Variants in CETN3 observed in about 807,000 individuals in gnomAD.
CETN3 encodes the protein centrin-3.
Under a neutral mutation model 20.1 loss-of-function variants are expected in CETN3, and 17 were observed. That is an observed-to-expected ratio of 0.85 (90% CI 0.58 to 1.27). CETN3 has a LOEUF of 1.27. Among genes scored for constraint, CETN3 ranks in the 50% most tolerant of loss-of-function variants. The pLI is 0.00. For missense variants in CETN3, 169 were observed against 191.2 expected, an observed-to-expected ratio of 0.88 and a Z score of 0.69; for synonymous variants, 52 against 59.7, an observed-to-expected ratio of 0.87 and a Z score of 0.59.
At position 90,392,969 on chromosome 5, in the gene CETN3, A is replaced by G. The variant is rs1247635663; in HGVS notation, c.*1095T>C. On this transcript the variant is annotated 3_prime_UTR_variant, in exon 5 of 5. Transcript: ENST00000283122. The stretch of plus-strand genomic sequence containing the variant: ...ACTTTAAACTTAAAAATTTAAAACA[A>G]GAATTCTAAAGAAAGATTGCTGAAA... 6.6e-6 allele frequency: 1 copy of G among 152,242 alleles called. No homozygotes were observed. Among genetic ancestry groups the G allele is most frequent in the Non-Finnish European group, 1.5e-5 (1 of 68,046 alleles). 9.4% of individuals were successfully genotyped at this position (152,242 alleles called of 1,614,324 possible). A position where few individuals can be genotyped will look rare whatever the true frequency, so the allele number is the denominator to read the frequency against.
chr5:90,398,145 C>T (rs192175552), intron 4 of CETN3, among the ~76,000 whole-genome samples: 1 of 152,146 alleles, frequency 6.6e-6, no homozygotes, highest in East Asian at 1.9e-4. Context: ...TTTAACTTCA[C>T]ATTCACCATG....
In CETN3 at chr5:90,406,073, T is replaced by C. The variant is rs1353945408; in HGVS notation, c.154-274A>G. Among the ~76,000 whole-genome samples the C allele has an allele frequency of 2.6e-5, 4 of 152,126 alleles. No individual in the cohort carries two copies. The East Asian group carries it at 5.8e-4, about 22-fold the overall frequency. On this transcript the variant is annotated intron_variant, in intron 2 of 4. Coordinates refer to ENST00000283122, the MANE Select transcript of CETN3 (RefSeq NM_004365.4). ...TTACTATATAAAATGCACTAACTTA[T>C]TGCACAGATAATTTGATTGTTATTT... is the stretch of plus-strand genomic sequence containing the variant.
chr5:90,403,578 A>C (rs1236241659), intron 3 of CETN3, among the ~76,000 whole-genome samples: 1 of 152,202 alleles, frequency 6.6e-6, no homozygotes, highest in Non-Finnish European at 1.5e-5. Context: ...GCCAATAAAA[A>C]TCACAATTTT....
intron 3 of CETN3, among the ~76,000 whole-genome samples, chr5:90,401,773 T>C (rs928075129): frequency 1.3e-5 from 2 of 152,198 alleles, no homozygotes; most frequent in Non-Finnish European, 2.9e-5. Flanking sequence ...CTAGATTCCA[T>C]ATTTGAAAAG....
chr5:90,398,661 A>G (rs1275565647), intron 4 of CETN3, among the ~76,000 whole-genome samples: 2 of 152,218 alleles, frequency 1.3e-5, no homozygotes, highest in Non-Finnish European at 2.9e-5. Flanking sequence ...AAGTAAAATC[A>G]GTTACTCAAG....
chr5:90,401,541 TAAG>T (rs1749291363), intron 3 of CETN3, among the ~76,000 whole-genome samples: 1 of 152,176 alleles, frequency 6.6e-6, no homozygotes, highest in South Asian at 2.1e-4. Flanking sequence ...AAAAATCACT[TAAG>T]AATACGGCAA....
In CETN3 at chr5:90,397,531, C is replaced by CAGAA. The variant is rs1282188063; in HGVS notation, c.460+1826_460+1827insTTCT. 2.7e-3 allele frequency among the ~76,000 whole-genome samples: 415 copies of CAGAA among 152,160 alleles called. 1 individual carries two copies. Among genetic ancestry groups the CAGAA allele is most frequent in the African/African-American group, 8.4e-3 (350 of 41,548 alleles). ...TTTACAGAACTAAGTAGATTAAGTA[C>CAGAA]CTTAGAGACCATCTGGCTTTGAAGG... On this transcript the variant is annotated intron_variant, in intron 4 of 4. Coordinates refer to ENST00000283122, the MANE Select transcript of CETN3 (RefSeq NM_004365.4).
chr5:90,396,344 C>G (rs1026986610), intron 4 of CETN3: 3 of 1,337,576 alleles, frequency 2.2e-6, no homozygotes, highest in Admixed American at 6.6e-5. Flanking sequence ...AAACTACTTT[C>G]AAGAATCTTA....
rs1395264787 is a variant in CETN3, at chr5:90,392,517, G to A, written c.*1547C>T. 3 of 152,178 alleles carry A rather than the reference G, an allele frequency of 2.0e-5. No individual in the cohort carries two copies. Among genetic ancestry groups the A allele is most frequent in the African/African-American group, 4.8e-5 (2 of 41,450 alleles). 9.4% of individuals were successfully genotyped at this position (152,178 alleles called of 1,614,324 possible). On this transcript the variant is annotated 3_prime_UTR_variant, in exon 5 of 5. Coordinates refer to ENST00000283122, the MANE Select transcript of CETN3 (RefSeq NM_004365.4). ...CCCAGTACTGGAGGTGAGGTCTGGT[G>A]GGAGGTGATTAGATGTCCTCACAAT... is the stretch of plus-strand genomic sequence containing the variant.
intron 2 of CETN3, 97 bp downstream of exon 2, chr5:90,407,602 T>C: frequency 1.1e-6 from 1 of 912,214 alleles, no homozygotes; most frequent in Non-Finnish European, 1.5e-6. Flanking sequence ...CCAAAACCAA[T>C]TTAGTTAAAA....
chr5:90,392,885 C>T lies in CETN3; in HGVS notation c.*1179G>A, dbSNP rs769742903. Reference sequence around the variant, plus strand: ...TTTGTGTTAAATTTCTAGTGGACAACCCTTAATGTAATACTCTTAAAAGGC... The same window carrying T: ...TTTGTGTTAAATTTCTAGTGGACAATCCTTAATGTAATACTCTTAAAAGGC... On this transcript the variant is annotated 3_prime_UTR_variant, in exon 5 of 5. Coordinates refer to ENST00000283122, the MANE Select transcript of CETN3 (RefSeq NM_004365.4). 1 of 152,116 alleles carries T rather than the reference C, an allele frequency of 6.6e-6. No individual in the cohort carries two copies. The highest frequency in any genetic ancestry group is 1.5e-5 in the Non-Finnish European group (1 of 68,016). 9.4% of individuals were successfully genotyped at this position (152,116 alleles called of 1,614,324 possible). A position where few individuals can be genotyped will look rare whatever the true frequency, so the allele number is the denominator to read the frequency against.
intron 2 of CETN3, among the ~76,000 whole-genome samples, chr5:90,406,100 T>A (rs1362801904): frequency 6.6e-6 from 1 of 152,142 alleles, no homozygotes; most frequent in African/African-American, 2.4e-5. Flanking sequence ...TTGTTATTTG[T>A]TCTGAAGGGA....
chr5:90,393,290 C>T lies in CETN3; in HGVS notation c.*774G>A, dbSNP rs758958450. ...TGACATGTAATTGAGTGATAATTAC[C>T]TTAACAAATCAAAATTCCAAAATTT... On this transcript the variant is annotated 3_prime_UTR_variant, in exon 5 of 5. Transcript: ENST00000283122. 17 of 152,062 alleles carry T rather than the reference C, an allele frequency of 1.1e-4. No individual in the cohort carries two copies. The highest frequency in any genetic ancestry group is 6.5e-4 in the Admixed American group (10 of 15,272). The allele number at this position is 152,062 out of a possible 1,614,324, so 9.4% of individuals were successfully genotyped here.
At chr5:90,403,732 G>A (rs1259924735) in intron 3 of CETN3, among the ~76,000 whole-genome samples, 7 of 149,844 alleles carry the variant, frequency 4.7e-5, no homozygotes, top group African/African-American at 1.2e-4. Context: ...TTAGCCGGGC[G>A]TAGTGGCGGG....
intron 3 of CETN3, among the ~76,000 whole-genome samples, chr5:90,403,875 G>A (rs377538740): frequency 4.6e-3 from 399 of 86,724 alleles, no homozygotes; most frequent in Middle Eastern, 0.01. Context: ...TGTCTCAAAA[G>A]AAAAAAAAAA....
chr5:90,408,327 G>A (rs1052547766), intron 1 of CETN3, among the ~76,000 whole-genome samples: 3 of 152,128 alleles, frequency 2.0e-5, no homozygotes, highest in Admixed American at 1.3e-4. Flanking sequence ...AAAAAAAAGT[G>A]AATTAACTTA....
intron 3 of CETN3, among the ~76,000 whole-genome samples, chr5:90,401,276 T>C (rs1374912409): frequency 6.6e-6 from 1 of 152,312 alleles, no homozygotes. Context: ...CATTACCTAA[T>C]ATATAACTTT....
intron 4 of CETN3, 105 bp downstream of exon 4, chr5:90,399,253 C>T: frequency 2.2e-6 from 2 of 891,434 alleles, no homozygotes; most frequent in Non-Finnish European, 1.8e-6. Context: ...TTACAAGAAG[C>T]AGTTAAGTTT....
rs192398506 is a variant in CETN3, at chr5:90,396,363, T to G, written c.461-2256A>C. On this transcript the variant is annotated intron_variant, in intron 4 of 4. Coordinates refer to ENST00000283122, the MANE Select transcript of CETN3 (RefSeq NM_004365.4). ...TACTTTCAAGAATCTTACAAATTGA[T>G]GTAGTGATCTTTAACCTTTGCAGTT... 2.3e-4 allele frequency: 310 copies of G among 1,356,946 alleles called. No individual in the cohort carries two copies. The African/African-American group carries it at 3.9e-3, about 17-fold the overall frequency. The allele number at this position is 1,356,946 out of a possible 1,614,324, so 84.1% of individuals were successfully genotyped here. A position where few individuals can be genotyped will look rare whatever the true frequency, so the allele number is the denominator to read the frequency against.
Sources: allele counts gnomAD v4.1 joint callset (sites outside exome capture counted in the v4.1 genomes callset), GRCh38; gene constraint gnomAD v4.1.1; transcripts MANE v1.5; gene names NCBI Gene and HGNC (gene_info 2026-07-23, HGNC 2026-07-21).